The following FOCAD variants were observed in gnomAD, a reference collection of about 807,000 sequenced individuals.
FOCAD encodes the protein focadhesin.
In FOCAD, 198 loss-of-function variants were observed where a neutral mutation model predicts 225.6. The observed-to-expected ratio is 0.88, with a 90% confidence interval of 0.78 to 0.99. FOCAD has a LOEUF of 0.99. Ranked by LOEUF, FOCAD falls within the 50% of genes least tolerant of loss-of-function variation. The probability of loss-of-function intolerance (pLI) is 0.00; values close to 1 mark genes in which losing one functional copy is unlikely to be tolerated. For missense variants in FOCAD, 2,713 were observed against 2,123.6 expected (o/e 1.28, Z -5.46); for synonymous variants, 897 against 755.0 (o/e 1.19, Z -3.08).
At chr9:20,963,284 C>G (rs1378246132) in intron 35 of FOCAD, among the ~76,000 whole-genome samples, 2 of 152,140 alleles carry the variant, frequency 1.3e-5, no homozygotes, top group African/African-American at 2.4e-5. Flanking sequence ...TATATTAGGT[C>G]AATTCTAGCG....
intron 4 of FOCAD, among the ~76,000 whole-genome samples, chr9:20,734,149 A>G (rs1826941090): frequency 6.6e-6 from 1 of 152,220 alleles, no homozygotes; most frequent in Non-Finnish European, 1.5e-5. Flanking sequence ...ACTTTTTGTC[A>G]TCTTTTTTTT....
intron 11 of FOCAD, among the ~76,000 whole-genome samples, chr9:20,790,023 C>A (rs1421059130): frequency 1.3e-5 from 2 of 152,116 alleles, no homozygotes; most frequent in African/African-American, 4.8e-5. Context: ...ACATTAATAT[C>A]TTTTTAACTT....
At chr9:20,743,404 G>A (rs1045468293) in intron 5 of FOCAD, among the ~76,000 whole-genome samples, 1 of 152,150 alleles carries the variant, frequency 6.6e-6, no homozygotes, top group Non-Finnish European at 1.5e-5. Flanking sequence ...TCTTCTAATA[G>A]CTGATTAATT....
intron 39 of FOCAD, 103 bp from the exon 40 acceptor site, chr9:20,986,185 T>G: frequency 9.1e-7 from 1 of 1,099,362 alleles, no homozygotes; most frequent in Non-Finnish European, 1.2e-6. Flanking sequence ...AACAGAATAG[T>G]AACATCCAAC....
intron 19 of FOCAD, among the ~76,000 whole-genome samples, chr9:20,878,010 A>C (rs893792652): frequency 1.3e-5 from 2 of 152,208 alleles, no homozygotes; most frequent in African/African-American, 4.8e-5. Flanking sequence ...AAATGCAGAT[A>C]TACAAAAATG....
intron 35 of FOCAD, among the ~76,000 whole-genome samples, chr9:20,969,226 A>G (rs907641925): frequency 6.6e-6 from 1 of 152,170 alleles, no homozygotes; most frequent in Non-Finnish European, 1.5e-5. Flanking sequence ...TGCTCTTGAA[A>G]TGAATGTGTA....
chr9:20,823,917 G>A (rs529544264), intron 15 of FOCAD, among the ~76,000 whole-genome samples: 105 of 152,176 alleles, frequency 6.9e-4, no homozygotes, highest in African/African-American at 2.3e-3. Context: ...TAACAACTCT[G>A]CAGTATAGGG....
At chr9:20,855,553 A>G (rs939808035) in intron 15 of FOCAD, among the ~76,000 whole-genome samples, 4 of 151,752 alleles carry the variant, frequency 2.6e-5, no homozygotes, top group Non-Finnish European at 5.9e-5. Context: ...TCAAATCAGG[A>G]TAACTGGGGT....
chr9:20,823,898 T>A (rs1824600241), intron 15 of FOCAD, among the ~76,000 whole-genome samples: 2 of 152,126 alleles, frequency 1.3e-5, no homozygotes, highest in Non-Finnish European at 2.9e-5. Flanking sequence ...ACTTTTTATG[T>A]ATTTTTCTTA....
intron 11 of FOCAD, among the ~76,000 whole-genome samples, chr9:20,814,712 A>AAAAAT (rs1823473618): frequency 6.6e-6 from 1 of 151,938 alleles, no homozygotes; most frequent in Non-Finnish European, 1.5e-5. Flanking sequence ...TTGCCATGGG[A>AAAAAT]CTTACATCAA....
In FOCAD at chr9:20,982,465, A is replaced by G. The variant is rs375769589; in HGVS notation, c.4728+19A>G. The G allele has an allele frequency of 5.1e-6, 8 of 1,582,078 alleles. No homozygotes were observed. The highest frequency in any genetic ancestry group is 1.1e-5 in the South Asian group (1 of 88,984). ...TACTAAGGTAATAACATATCTTTCT[A>G]TACCTTTTTTCATTATTGAGCCAGA... On this transcript the variant is annotated intron_variant, in intron 39 of 43. Transcript: ENST00000338382.
At chr9:20,778,316 C>T (rs1395430269) in intron 8 of FOCAD, among the ~76,000 whole-genome samples, 1 of 151,966 alleles carries the variant, frequency 6.6e-6, no homozygotes, top group Non-Finnish European at 1.5e-5. Context: ...ACCATCTTGG[C>T]TCACTGCAAC....
chr9:20,948,659 C>T (rs1174476805), intron 31 of FOCAD, among the ~76,000 whole-genome samples, 192 bp from the exon 32 acceptor site: 2 of 152,132 alleles, frequency 1.3e-5, no homozygotes, highest in Non-Finnish European at 1.5e-5. Context: ...AGAATCCACC[C>T]ATGATCTAAC....
chr9:20,873,476 G>A (rs77431569), intron 18 of FOCAD, among the ~76,000 whole-genome samples: 1 of 152,138 alleles, frequency 6.6e-6, no homozygotes, highest in Non-Finnish European at 1.5e-5. Flanking sequence ...TTCGACAGAC[G>A]CTTTCATACC....
chr9:20,838,737 A>T (rs1037363965), intron 15 of FOCAD, among the ~76,000 whole-genome samples: 1 of 152,114 alleles, frequency 6.6e-6, no homozygotes, highest in East Asian at 1.9e-4. Context: ...ATCTCTAGAG[A>T]TAAAGCTTAG....
At chr9:20,857,535 A>G (rs1447892085) in intron 15 of FOCAD, among the ~76,000 whole-genome samples, 4 of 151,892 alleles carry the variant, frequency 2.6e-5, no homozygotes, top group Admixed American at 2.0e-4. Context: ...TATCATTTGG[A>G]AAGAAAAATA....
intron 35 of FOCAD, among the ~76,000 whole-genome samples, chr9:20,971,224 A>T (rs913522709): frequency 5.3e-5 from 8 of 152,172 alleles, no homozygotes; most frequent in Non-Finnish European, 7.3e-5. Context: ...GCATGCCTAT[A>T]TCAAAATATC....
chr9:20,960,245 A>G (rs1317534727), intron 35 of FOCAD, among the ~76,000 whole-genome samples: 2 of 152,174 alleles, frequency 1.3e-5, no homozygotes, highest in Non-Finnish European at 2.9e-5. Context: ...TATTTCTCAT[A>G]TTAGAGTTAG....
At chr9:20,809,648 A>T (rs1822840455) in intron 11 of FOCAD, among the ~76,000 whole-genome samples, 1 of 152,094 alleles carries the variant, frequency 6.6e-6, no homozygotes, top group Non-Finnish European at 1.5e-5. Flanking sequence ...TATAGAAACG[A>T]TTTTTATACT....
Sources: gnomAD v4.1 joint callset for allele counts (sites outside exome capture counted in the v4.1 genomes callset) on GRCh38, gnomAD v4.1.1 for gene constraint, MANE v1.5 for transcripts, NCBI Gene and HGNC (gene_info 2026-07-23, HGNC 2026-07-21) for gene names.